Variants in FAAH2 observed in about 807,000 individuals in gnomAD.
FAAH2 encodes fatty acid amide hydrolase 2.
In FAAH2, 60 loss-of-function variants were observed where a neutral mutation model predicts 36.9. The observed-to-expected ratio is 1.63, with a 90% confidence interval of 1.32 to 2.02. The LOEUF is 2.02. Among genes scored for constraint, FAAH2 ranks in the 30% most tolerant of loss-of-function variants. The probability of loss-of-function intolerance (pLI) is 0.00; values close to 1 mark genes in which losing one functional copy is unlikely to be tolerated. For synonymous variants in FAAH2, 214 were observed against 143.8 expected, an observed-to-expected ratio of 1.49 and a Z score of -3.49; for missense variants, 689 against 397.5, an observed-to-expected ratio of 1.73 and a Z score of -6.23.
chrX:57,385,608 C>T (rs966038355), intron 7 of FAAH2, among the ~76,000 whole-genome samples: 4 of 111,503 alleles, frequency 3.6e-5, no homozygotes, highest in African/African-American at 6.5e-5. Flanking sequence ...CCCTCATGGC[C>T]TAATCACTTC....
intron 4 of FAAH2, among the ~76,000 whole-genome samples, chrX:57,335,453 A>G (rs2053522420): frequency 8.9e-6 from 1 of 112,425 alleles, no homozygotes; most frequent in African/African-American, 3.2e-5. Flanking sequence ...GTAAAGAAAA[A>G]AGTGCTGTGC....
chrX:57,423,131 G>A (rs886851492), intron 7 of FAAH2, among the ~76,000 whole-genome samples: 1 of 112,101 alleles, frequency 8.9e-6, no homozygotes, highest in African/African-American at 3.2e-5. Context: ...GCATTGGGAA[G>A]TGCTTTGTGT....
rs758878824 is a variant in FAAH2 at position 57,286,969 on chromosome X, G to A, written c.144G>A (p.Leu48=). 15 of 1,198,809 alleles carry A rather than the reference G, an allele frequency of 1.3e-5. No individual in the cohort carries two copies. The South Asian group carries it at 2.7e-4, about 22-fold the overall frequency. Reference sequence around the variant, plus strand: ...CCCCTCGGCCGGTGACTGAACCATTGCTTCTGCTTTCGGGGATGCAGCTGG... The same window carrying A: ...CCCCTCGGCCGGTGACTGAACCATTACTTCTGCTTTCGGGGATGCAGCTGG... ...SKTPRPVTEP[L]LLLSGMQLAK... is the part of the protein sequence containing the mutation. Residue 48 remains leucine (L), a synonymous_variant, in exon 1 of 11, where the codon TTG becomes TTA. Coordinates refer to ENST00000374900, the MANE Select transcript of FAAH2 (RefSeq NM_174912.4).
At chrX:57,251,876 C>A in the FAAH2 span, among the ~76,000 whole-genome samples, 1 of 111,553 alleles carries the variant, frequency 9.0e-6, no homozygotes, top group Non-Finnish European at 1.9e-5. Flanking sequence ...GGAAGGTGAG[C>A]CAAAGTGGGG....
chrX:57,287,648 T>TA (rs915684075), intron 1 of FAAH2, among the ~76,000 whole-genome samples: 11 of 111,593 alleles, frequency 9.9e-5, no homozygotes, highest in African/African-American at 2.9e-4. Context: ...AGTTCTAAAT[T>TA]AAAAAAATTA....
intron 5 of FAAH2, among the ~76,000 whole-genome samples, chrX:57,346,710 G>A (rs187631413): frequency 9.0e-6 from 1 of 111,541 alleles, no homozygotes; most frequent in African/African-American, 3.3e-5. Context: ...GTTTGTGGTA[G>A]CAGGCATCAT....
At chrX:57,462,508 G>A (rs12737839) in intron 10 of FAAH2, among the ~76,000 whole-genome samples, 9 of 111,590 alleles carry the variant, frequency 8.1e-5, no homozygotes, top group Admixed American at 4.8e-4. Flanking sequence ...TTCAACATAC[G>A]CAAATCAATA....
intron 1 of FAAH2, among the ~76,000 whole-genome samples, chrX:57,291,016 C>T (rs1265339212): frequency 1.8e-5 from 2 of 112,004 alleles, no homozygotes; most frequent in Non-Finnish European, 1.9e-5. Context: ...TTCTCTAAAA[C>T]CATTTGGGAT....
At chrX:57,373,015 G>T (rs752085247) in intron 5 of FAAH2, among the ~76,000 whole-genome samples, 66 of 111,145 alleles carry the variant, frequency 5.9e-4, no homozygotes, top group African/African-American at 2.0e-3. Context: ...TAGAATAATG[G>T]TCTCTAATTC....
the FAAH2 span, among the ~76,000 whole-genome samples, chrX:57,281,327 G>C: frequency 2.7e-5 from 3 of 111,484 alleles, no homozygotes; most frequent in African/African-American, 9.8e-5. Context: ...TGGTGGACAT[G>C]GTCAAAAGTT....
At chrX:57,213,628 G>T in the FAAH2 span, among the ~76,000 whole-genome samples, 1 of 111,795 alleles carries the variant, frequency 8.9e-6, no homozygotes, top group Non-Finnish European at 1.9e-5. Flanking sequence ...CTATGTGTTT[G>T]TATAGTTTCA....
At chrX:57,168,799 C>T in the FAAH2 span, among the ~76,000 whole-genome samples, 1 of 111,659 alleles carries the variant, frequency 9.0e-6, no homozygotes, top group African/African-American at 3.2e-5. Context: ...TGTATTATTA[C>T]ATGCATTTTA....
chrX:57,224,490 C>A, the FAAH2 span, among the ~76,000 whole-genome samples: 1 of 111,265 alleles, frequency 9.0e-6, no homozygotes, highest in Non-Finnish European at 1.9e-5. Context: ...ATGAATAACT[C>A]CTCCCTTCTC....
chrX:57,366,694 A>G (rs1460849183), intron 5 of FAAH2, among the ~76,000 whole-genome samples: 1 of 112,227 alleles, frequency 8.9e-6, no homozygotes, highest in Non-Finnish European at 1.9e-5. Flanking sequence ...AAACACTCAA[A>G]CAGTTAAGCA....
intron 8 of FAAH2, among the ~76,000 whole-genome samples, chrX:57,438,143 T>A (rs1271499464): frequency 9.5e-6 from 1 of 105,631 alleles, no homozygotes; most frequent in African/African-American, 3.4e-5. Context: ...GTATATATAT[T>A]TGTGTATATA....
intron 5 of FAAH2, among the ~76,000 whole-genome samples, chrX:57,359,940 G>T (rs1569290027): frequency 9.2e-6 from 1 of 108,624 alleles, no homozygotes. Context: ...GAACAGTTTT[G>T]CTGAACATAG....
the FAAH2 span, among the ~76,000 whole-genome samples, chrX:57,280,640 T>C: frequency 7.5e-5 from 8 of 106,917 alleles, no homozygotes; most frequent in African/African-American, 2.5e-4. Flanking sequence ...ACAAGATTAT[T>C]TGGAAGCTTC....
intron 10 of FAAH2, among the ~76,000 whole-genome samples, chrX:57,470,807 G>T (rs1191332030): frequency 2.7e-5 from 3 of 111,247 alleles, no homozygotes; most frequent in African/African-American, 9.8e-5. Flanking sequence ...AAGAATTTTA[G>T]ACCAATATCC....
At chrX:57,195,817 T>G in the FAAH2 span, among the ~76,000 whole-genome samples, 1 of 112,326 alleles carries the variant, frequency 8.9e-6, no homozygotes, top group African/African-American at 3.2e-5. Context: ...TTCTCCTACA[T>G]GTGGCTTGCC....
Sources: gnomAD v4.1 joint callset for allele counts (sites outside exome capture counted in the v4.1 genomes callset) on GRCh38, gnomAD v4.1.1 for gene constraint, MANE v1.5 for transcripts, NCBI Gene and HGNC (gene_info 2026-07-23, HGNC 2026-07-21) for gene names.